GPC3: variants seen among roughly 807,000 people sequenced by gnomAD.
The protein encoded by GPC3 is glypican-3.
GPC3 carries 3 observed loss-of-function variants against 34.4 expected under a neutral mutation model. The ratio of observed to expected loss-of-function variants is 0.09; its 90% CI spans 0.04 to 0.23. GPC3 has a LOEUF of 0.23. GPC3 is among the 10% of genes least tolerant of loss of function. GPC3 has a pLI of 1.00. For synonymous variants in GPC3, 177 were observed against 174.0 expected, an observed-to-expected ratio of 1.02 and a Z score of -0.13; for missense variants, 351 against 445.6, an observed-to-expected ratio of 0.79 and a Z score of 1.91.
intron 2 of GPC3, chrX:133,762,780 G>A (rs1057270762): frequency 6.5e-6 from 3 of 460,277 alleles, no homozygotes; most frequent in African/African-American, 4.8e-5. Context: ...TCCTAACTCA[G>A]AGGAAAACTT....
chrX:133,776,878 CTTTTT>C (rs10633635), intron 2 of GPC3, among the ~76,000 whole-genome samples: 12 of 79,631 alleles, frequency 1.5e-4, no homozygotes, highest in East Asian at 1.2e-3. Context: ...CCTTTCTTTT[CTTTTT>C]TTTTTTTTTT....
intron 2 of GPC3, among the ~76,000 whole-genome samples, chrX:133,777,625 T>C (rs2072000597): frequency 1.8e-5 from 2 of 112,313 alleles, no homozygotes; most frequent in South Asian, 7.5e-4. Context: ...TGTTGAAATC[T>C]GAAAGGCCTT....
intron 7 of GPC3, among the ~76,000 whole-genome samples, chrX:133,592,612 C>T (rs768997490): frequency 9.0e-6 from 1 of 110,533 alleles, no homozygotes; most frequent in Non-Finnish European, 1.9e-5. Context: ...ACCTGGGAGC[C>T]ATTGTAGACT....
chrX:133,799,111 A>G (rs7888283), intron 2 of GPC3, among the ~76,000 whole-genome samples: 10,252 of 111,920 alleles, frequency 0.092, 1,131 homozygotes, highest in African/African-American at 0.31. Flanking sequence ...CTGAAGTTGG[A>G]CTGGGCACGG....
At chrX:133,598,550 T>C (rs1440684696) in intron 6 of GPC3, among the ~76,000 whole-genome samples, 1 of 111,627 alleles carries the variant, frequency 9.0e-6, no homozygotes, top group Non-Finnish European at 1.9e-5. Context: ...ATGGTTTTGG[T>C]TGAAACATTT....
intron 2 of GPC3, among the ~76,000 whole-genome samples, chrX:133,761,086 T>C (rs1376880051): frequency 9.0e-6 from 1 of 111,515 alleles, no homozygotes; most frequent in Admixed American, 9.5e-5. Context: ...CTTTGACATT[T>C]CTTTCATGAT....
chrX:133,566,288 A>G (rs2124296055), intron 7 of GPC3, among the ~76,000 whole-genome samples: 1 of 111,741 alleles, frequency 8.9e-6, no homozygotes, highest in Admixed American at 9.5e-5. Flanking sequence ...ATTTGTCTGG[A>G]GAACAGGAGC....
intron 1 of GPC3, among the ~76,000 whole-genome samples, chrX:133,977,450 C>T (rs2076521243): frequency 8.9e-6 from 1 of 112,184 alleles, no homozygotes; most frequent in South Asian, 3.7e-4. Flanking sequence ...TTCCATCTGT[C>T]GTATGCCAGC....
At chrX:133,580,907 T>C (rs1446823540) in intron 7 of GPC3, among the ~76,000 whole-genome samples, 2 of 111,980 alleles carry the variant, frequency 1.8e-5, no homozygotes, top group African/African-American at 6.5e-5. Flanking sequence ...TGTTCCAAAT[T>C]TAGCTTTCCT....
At chrX:133,841,407 A>G (rs773301061) in intron 2 of GPC3, among the ~76,000 whole-genome samples, 3 of 106,760 alleles carry the variant, frequency 2.8e-5, no homozygotes, top group East Asian at 2.9e-4. Context: ...ATTTGCCCAC[A>G]CTGAAAAGCA....
At chrX:133,650,303 G>A (rs915282761) in intron 6 of GPC3, among the ~76,000 whole-genome samples, 1 of 110,676 alleles carries the variant, frequency 9.0e-6, no homozygotes, top group South Asian at 3.9e-4. Context: ...TCCTGGTGGG[G>A]CTGAAGATTA....
intron 2 of GPC3, 132 bp from the exon 3 acceptor site, chrX:133,754,308 C>T (rs2071706150): frequency 8.0e-6 from 4 of 499,403 alleles, no homozygotes; most frequent in East Asian, 7.1e-5. Flanking sequence ...ATAATTGACT[C>T]TCATTCATTT....
intron 5 of GPC3, among the ~76,000 whole-genome samples, chrX:133,677,261 G>T (rs777366960): frequency 9.0e-6 from 1 of 111,521 alleles, no homozygotes; most frequent in Admixed American, 9.6e-5. Flanking sequence ...CACTGCTGTC[G>T]TCAGGAGAAT....
intron 4 of GPC3, among the ~76,000 whole-genome samples, chrX:133,697,421 C>T (rs144883570): frequency 1.7e-3 from 187 of 111,221 alleles, no homozygotes; most frequent in African/African-American, 5.7e-3. Context: ...TTGCCCAGAA[C>T]GCCCTCCTTT....
At chrX:133,724,226 C>G (rs1421514858) in intron 3 of GPC3, among the ~76,000 whole-genome samples, 1 of 112,055 alleles carries the variant, frequency 8.9e-6, no homozygotes, top group Admixed American at 9.5e-5. Context: ...TGCGTTTGCT[C>G]GCAGTCTTTA....
intron 4 of GPC3, 141 bp downstream of exon 4, chrX:133,699,752 CAG>C (rs1234364125): frequency 1.6e-5 from 7 of 445,521 alleles, no homozygotes; most frequent in Non-Finnish European, 2.3e-5. Context: ...TAAACATTGA[CAG>C]ATGATAAAAT....
chrX:133,539,059 T>A (rs2069320554), intron 7 of GPC3, among the ~76,000 whole-genome samples: 1 of 107,205 alleles, frequency 9.3e-6, no homozygotes, highest in South Asian at 4.4e-4. Context: ...CTGTATTTTT[T>A]AATTATAGTA....
At chrX:133,760,641 G>C (rs752948008) in intron 2 of GPC3, among the ~76,000 whole-genome samples, 1 of 111,683 alleles carries the variant, frequency 9.0e-6, no homozygotes, top group South Asian at 3.7e-4. Flanking sequence ...ACATGGGAAA[G>C]TAAGTGAAGC....
At chrX:133,718,847 G>C (rs1429378011) in intron 3 of GPC3, among the ~76,000 whole-genome samples, 1 of 111,405 alleles carries the variant, frequency 9.0e-6, no homozygotes, top group Non-Finnish European at 1.9e-5. Context: ...CTTGTTACTA[G>C]GGACAAAGAA....
Sources: allele counts gnomAD v4.1 joint callset (sites outside exome capture counted in the v4.1 genomes callset), GRCh38; gene constraint gnomAD v4.1.1; transcripts MANE v1.5; gene names NCBI Gene and HGNC (gene_info 2026-07-23, HGNC 2026-07-21).